The following STPG1 variants were observed in gnomAD, a reference collection of about 807,000 sequenced individuals.
STPG1 encodes O(6)-methylguanine-induced apoptosis 2.
Under a neutral mutation model 40.1 loss-of-function variants are expected in STPG1, and 33 were observed. The ratio of observed to expected loss-of-function variants is 0.82; its 90% CI spans 0.62 to 1.10. STPG1 has a LOEUF of 1.10. Ranked by LOEUF, STPG1 falls within the 50% of genes least tolerant of loss-of-function variation. The pLI is 0.00. For missense variants in STPG1, 396 were observed against 415.1 expected, an observed-to-expected ratio of 0.95 and a Z score of 0.40; for synonymous variants, 150 against 155.0, an observed-to-expected ratio of 0.97 and a Z score of 0.24.
chr1:24,403,132 G>A (rs935402382), intron 1 of STPG1, among the ~76,000 whole-genome samples: 3 of 152,164 alleles, frequency 2.0e-5, no homozygotes, highest in Admixed American at 2.0e-4. Context: ...TGTGTATACA[G>A]TATTAAGGTA....
In STPG1 at chr1:24,402,349, T is replaced by C. The variant is rs185165221; in HGVS notation, c.-68-893A>G. Among the ~76,000 whole-genome samples, 300 of 152,364 alleles carry C rather than the reference T, an allele frequency of 2.0e-3. 1 individual carries two copies. Among genetic ancestry groups the C allele is most frequent in the South Asian group, 0.017 (82 of 4,832 alleles). On this transcript the variant is annotated intron_variant, in intron 1 of 8. Coordinates refer to ENST00000337248, the MANE Select transcript of STPG1 (RefSeq NM_001199013.2). ...ACCAACATGTGTTTGCTCAATCTTG[T>C]TAATTTTAGGCATTCTAGTGATTTT...
At chr1:24,400,146 GATAA>G (rs780038029) in intron 2 of STPG1, among the ~76,000 whole-genome samples, 29 of 152,134 alleles carry the variant, frequency 1.9e-4, no homozygotes, top group Non-Finnish European at 4.3e-4. Flanking sequence ...TAGTAGAATA[GATAA>G]ATAAATTGTG....
intron 2 of STPG1, chr1:24,401,114 C>G: frequency 2.2e-6 from 1 of 449,390 alleles, no homozygotes. Flanking sequence ...TAACAGACTT[C>G]CTCCTTCTTC....
At chr1:24,407,574 G>A (rs1222016420) in intron 1 of STPG1, among the ~76,000 whole-genome samples, 1 of 151,864 alleles carries the variant, frequency 6.6e-6, no homozygotes, top group African/African-American at 2.4e-5. Flanking sequence ...CGAGTAGCTG[G>A]GTACAGGTGC....
rs1264114793 is a variant in STPG1, at chr1:24,379,762, G to A, written c.353C>T (p.Ser118Leu). Reference sequence around the variant, plus strand: ...AAAGTCTCTCTTGGAAATAAAATCCGATGGGATAGTGTATGCATTCGCTGC... The same window carrying A: ...AAAGTCTCTCTTGGAAATAAAATCCAATGGGATAGTGTATGCATTCGCTGC... ...YPAANAYTIPSDFISKRDFSN... is the reference protein window; with the variant it reads ...YPAANAYTIPLDFISKRDFSN... The change falls in exon 5 of 9, where the codon TCG (serine) becomes TTG (leucine). Residue 118 changes from serine (S) to leucine (L), a missense_variant. Coordinates refer to ENST00000337248, the MANE Select transcript of STPG1 (RefSeq NM_001199013.2). 9 of 1,613,980 alleles carry A rather than the reference G, an allele frequency of 5.6e-6. No individual in the cohort carries two copies. Among genetic ancestry groups the A allele is most frequent in the East Asian group, 2.2e-5 (1 of 44,902 alleles).
Position 24,357,402 on chromosome 1 carries a change from T to G in STPG1, c.*1141A>C, listed in dbSNP as rs1640795099. ...TTAGGAAGCTGGAAGGTGGCGCTTC[T>G]CAACCTACACCTATCATTGGAATCA... On this transcript the variant is annotated 3_prime_UTR_variant, in exon 9 of 9. Coordinates refer to ENST00000337248, the MANE Select transcript of STPG1 (RefSeq NM_001199013.2). 1 of 152,396 alleles carries G rather than the reference T, an allele frequency of 6.6e-6. No homozygotes were observed. The highest frequency in any genetic ancestry group is 2.4e-5 in the African/African-American group (1 of 41,436). The allele number at this position is 152,396 out of a possible 1,614,324, so 9.4% of individuals were successfully genotyped here.
Position 24,397,766 on chromosome 1 carries a change from T to G in STPG1, c.70+3553A>C, listed in dbSNP as rs188822662. ...ATAATTACTATGAGATTCATCTCTGTTGCTGATATATCAATACTCCATTGC... is the reference window on the plus strand; with the variant it reads ...ATAATTACTATGAGATTCATCTCTGGTGCTGATATATCAATACTCCATTGC... On this transcript the variant is annotated intron_variant, in intron 2 of 8. Coordinates refer to ENST00000337248, the MANE Select transcript of STPG1 (RefSeq NM_001199013.2). Among the ~76,000 whole-genome samples the G allele has an allele frequency of 5.4e-3, 818 of 152,256 alleles. 2 individuals carry two copies. The highest frequency in any genetic ancestry group is 8.9e-3 in the Non-Finnish European group (605 of 67,962).
intron 7 of STPG1, among the ~76,000 whole-genome samples, chr1:24,366,458 G>A (rs1641471954): frequency 6.6e-6 from 1 of 152,148 alleles, no homozygotes; most frequent in South Asian, 2.1e-4. Context: ...ATATTCAGCT[G>A]TCTTTTCTTT....
Position 24,401,357 on chromosome 1 carries a change from G to T in STPG1, c.32C>A (p.Thr11Asn). The T allele has an allele frequency of 6.2e-7, 1 of 1,614,078 alleles. No homozygotes were observed. Among genetic ancestry groups the T allele is most frequent in the Non-Finnish European group, 8.5e-7 (1 of 1,179,986 alleles). Residue 11 changes from threonine (T) to asparagine (N), a missense_variant, in exon 2 of 9, where the codon ACT (threonine) becomes AAT (asparagine). Thr to Asn is a moderately conservative substitution (Grantham distance 65). Transcript: ENST00000337248. MDNSAQKNER[T>N]GKHPRRASEV... Reference sequence around the variant, plus strand: ...ACTGGCACGTCTGGGATGTTTGCCAGTGCGTTCATTTTTCTGTGCAGAGTT... The same window carrying T: ...ACTGGCACGTCTGGGATGTTTGCCATTGCGTTCATTTTTCTGTGCAGAGTT...
In STPG1 at chr1:24,360,952, T is replaced by C. The variant is rs1340276366; in HGVS notation, c.827A>G (p.Asp276Gly). 6.2e-7 allele frequency: 1 copy of C among 1,614,062 alleles called. No individual in the cohort carries two copies. Among genetic ancestry groups the C allele is most frequent in the Admixed American group, 1.7e-5 (1 of 60,008 alleles). ...GAAATGCTTGCGGGGGCCTAAGTAGTCCACGATCTCATACTGACCAGGACC... is the reference window on the plus strand; with the variant it reads ...GAAATGCTTGCGGGGGCCTAAGTAGCCCACGATCTCATACTGACCAGGACC... ...FPGPGQYEIV[D>G]YLGPRKHFIS... Residue 276 changes from aspartate (D) to glycine (G), a missense_variant, in exon 8 of 9, where the codon GAC becomes GGC. Coordinates refer to ENST00000337248, the MANE Select transcript of STPG1 (RefSeq NM_001199013.2).
In STPG1 at chr1:24,358,554, G is replaced by A. The variant is rs761576155; in HGVS notation, c.994C>T (p.Pro332Ser). ...CTTGTGTGACATCCCTACAGAACCG[G>A]GATCCATTTCTTGTCCTCGTTGTAG... is the stretch of plus-strand genomic sequence containing the variant. The part of the protein sequence containing the change: ...FLYNEDKKWI[P>S]VL The change falls in exon 9 of 9, where the codon CCG becomes TCG. Residue 332 changes from proline to serine, a missense_variant. Pro to Ser is a moderately conservative substitution (Grantham distance 74). Transcript: ENST00000337248. The A allele has an allele frequency of 4.3e-6, 7 of 1,613,952 alleles. No homozygotes were observed. Among genetic ancestry groups the A allele is most frequent in the Non-Finnish European group, 8.5e-7 (1 of 1,179,818 alleles).
chr1:24,391,037 T>C (rs1157256935), intron 3 of STPG1, among the ~76,000 whole-genome samples: 1 of 152,072 alleles, frequency 6.6e-6, no homozygotes, highest in Middle Eastern at 3.2e-3. Context: ...TGGGCTGATC[T>C]GAAACTCCTG....
At chr1:24,376,956 C>G (rs1435723290) in intron 5 of STPG1, among the ~76,000 whole-genome samples, 1 of 152,146 alleles carries the variant, frequency 6.6e-6, no homozygotes, top group African/African-American at 2.4e-5. Context: ...CTGGAAGGAA[C>G]TTTTTAAAAA....
At chr1:24,413,904 T>C (rs1643889978), upstream of STPG1, 2 of 152,228 alleles carry the variant, frequency 1.3e-5, no homozygotes, top group Admixed American at 6.5e-5. Flanking sequence ...TCAGGGCCTG[T>C]AGCGGGGTGG....
Position 24,401,333 on chromosome 1 carries a change from C to T in STPG1, c.56G>A (p.Ser19Asn). ...ERTGKHPRRA[S>N]EVQKGFTAAY... ...GACACATGTACCTTTCTGTACTTCA[C>T]TGGCACGTCTGGGATGTTTGCCAGT... Residue 19 changes from serine (S) to asparagine (N), a missense_variant, in exon 2 of 9, where the codon AGT becomes AAT. By Grantham distance (46) the Ser-to-Asn change is conservative (BLOSUM62 1). Transcript: ENST00000337248. 6.2e-7 allele frequency: 1 copy of T among 1,614,080 alleles called. No homozygotes were observed. The highest frequency in any genetic ancestry group is 8.5e-7 in the Non-Finnish European group (1 of 1,179,956).
intron 2 of STPG1, among the ~76,000 whole-genome samples, chr1:24,400,444 G>A (rs940074800): frequency 1.3e-5 from 2 of 152,096 alleles, no homozygotes; most frequent in African/African-American, 4.8e-5. Flanking sequence ...TTCCATAGGT[G>A]GTGTTTTCTT....
chr1:24,412,709 T>A (rs945378530), intron 1 of STPG1, among the ~76,000 whole-genome samples: 1 of 152,130 alleles, frequency 6.6e-6, no homozygotes, highest in Non-Finnish European at 1.5e-5. Context: ...ATAATAATAA[T>A]AGTATTGAGA....
rs551825798 is a variant in STPG1 at position 24,359,097 on chromosome 1, G to A, written c.929-478C>T. ...TACTGACTTGGTTAATGAGGGTCCCGTGCACAGCCTCTCTGTTCCTATACT... is the reference window on the plus strand; with the variant it reads ...TACTGACTTGGTTAATGAGGGTCCCATGCACAGCCTCTCTGTTCCTATACT... On this transcript the variant is annotated intron_variant, in intron 8 of 8. Transcript: ENST00000337248. This position sits in a 1 kb window ranked among gnomAD's most constrained non-coding sequence, Gnocchi z 5.3. Among the ~76,000 whole-genome samples the A allele has an allele frequency of 4.5e-4, 68 of 152,230 alleles. No homozygotes were observed. Among genetic ancestry groups the A allele is most frequent in the African/African-American group, 1.5e-3 (64 of 41,546 alleles).
chr1:24,406,045 G>C (rs538550252), intron 1 of STPG1, among the ~76,000 whole-genome samples: 1 of 152,206 alleles, frequency 6.6e-6, no homozygotes, highest in South Asian at 2.1e-4. Flanking sequence ...TTTGATTGGA[G>C]TGTTTAGAAC....
Sources: gnomAD v4.1 joint callset for allele counts (sites outside exome capture counted in the v4.1 genomes callset) on GRCh38, gnomAD v4.1.1 for gene constraint, Gnocchi (gnomAD v3.1) non-coding constraint, MANE v1.5 for transcripts, NCBI Gene and HGNC (gene_info 2026-07-23, HGNC 2026-07-21) for gene names.